The following BAZ1B variants were observed in gnomAD, a reference collection of about 807,000 sequenced individuals.
The protein encoded by BAZ1B is tyrosine-protein kinase BAZ1B.
A neutral mutation model predicts 153.8 loss-of-function variants in BAZ1B; 22 were observed. The observed-to-expected ratio is 0.14, with a 90% CI of 0.10 to 0.20. The LOEUF (loss-of-function observed/expected upper bound fraction) is 0.20. BAZ1B is among the 10% of genes least tolerant of loss of function. BAZ1B has a pLI of 1.00. For synonymous variants in BAZ1B, 676 were observed against 633.4 expected (o/e 1.07, Z -1.01); for missense variants, 1,325 against 1,799.3 (o/e 0.74, Z 4.77).
chr7:73,502,047 T>C (rs1205836505), intron 3 of BAZ1B, among the ~76,000 whole-genome samples: 1 of 151,890 alleles, frequency 6.6e-6, no homozygotes, highest in Admixed American at 6.6e-5. Flanking sequence ...CGCGCCACCA[T>C]GCCTGGCTAA....
At chr7:73,479,983 C>A (rs1789138501) in intron 6 of BAZ1B, among the ~76,000 whole-genome samples, 2 of 152,048 alleles carry the variant, frequency 1.3e-5, no homozygotes, top group Admixed American at 6.6e-5. Context: ...TCCTGGCTAA[C>A]ACGGTGAAAC....
chr7:73,510,190 G>A (rs1563402440), intron 2 of BAZ1B, among the ~76,000 whole-genome samples: 1 of 151,954 alleles, frequency 6.6e-6, no homozygotes, highest in Non-Finnish European at 1.5e-5. Context: ...AGCACTTTGG[G>A]AGGCCAAGGC....
chr7:73,490,427 G>C (rs1192582844), intron 5 of BAZ1B, among the ~76,000 whole-genome samples: 3 of 152,114 alleles, frequency 2.0e-5, no homozygotes, highest in Non-Finnish European at 4.4e-5. Flanking sequence ...TCACTTAGGA[G>C]CTACCTACCA....
intron 6 of BAZ1B, among the ~76,000 whole-genome samples, chr7:73,483,158 T>C (rs1453682268): frequency 6.6e-6 from 1 of 152,066 alleles, no homozygotes; most frequent in African/African-American, 2.4e-5. Context: ...ACATGGAAGG[T>C]TGAAAGAAAA....
intron 6 of BAZ1B, among the ~76,000 whole-genome samples, chr7:73,487,803 C>G (rs184198894): frequency 2.0e-5 from 3 of 152,084 alleles, no homozygotes; most frequent in Admixed American, 2.0e-4. Context: ...AAAATTTAGT[C>G]CTGATCTAGA....
At chr7:73,514,456 C>T (rs1790710082) in intron 1 of BAZ1B, among the ~76,000 whole-genome samples, 1 of 150,546 alleles carries the variant, frequency 6.6e-6, no homozygotes, top group Non-Finnish European at 1.5e-5. Flanking sequence ...CTGCTTGAAC[C>T]TTGGAGACGG....
chr7:73,456,016 A>C (rs541794456), intron 13 of BAZ1B, among the ~76,000 whole-genome samples: 1 of 152,306 alleles, frequency 6.6e-6, no homozygotes, highest in South Asian at 2.1e-4. Flanking sequence ...GGTGGGAGTT[A>C]TATATTTTAC....
At chr7:73,441,861 G>A (rs1423311111) in intron 19 of BAZ1B, 168 bp from the exon 20 acceptor site, 12 of 356,570 alleles carry the variant, frequency 3.4e-5, no homozygotes, top group South Asian at 1.3e-4. Context: ...GAGGGGCTTG[G>A]CACTGTGGTG....
intron 3 of BAZ1B, chr7:73,507,270 T>C (rs1249060377): frequency 1.3e-5 from 2 of 152,096 alleles, no homozygotes; most frequent in South Asian, 2.1e-4. Flanking sequence ...AGCATGGTCA[T>C]TGCATGGGTT....
Position 73,459,809 on chromosome 7 carries a change from A to AATGCCAC in BAZ1B, c.3250-98_3250-92dup, listed in dbSNP as rs778005008. 1,247 of 1,125,400 alleles carry AATGCCAC rather than the reference A, an allele frequency of 1.1e-3. 5 individuals carry two copies. Among genetic ancestry groups the AATGCCAC allele is most frequent in the Non-Finnish European group, 1.4e-3 (1,112 of 797,466 alleles). The allele number at this position is 1,125,400 out of a possible 1,614,324, so 69.7% of individuals were successfully genotyped here. The stretch of plus-strand genomic sequence containing the variant: ...TCAAATTCAAATAAATCTAGACTCA[A>AATGCCAC]ATGCCACATAACATTCATTAAACAA... On this transcript the variant is annotated intron_variant, in intron 12 of 19. Transcript: ENST00000339594.
chr7:73,510,595 G>A (rs1470491119), intron 2 of BAZ1B, 141 bp downstream of exon 2: 2 of 798,556 alleles, frequency 2.5e-6, no homozygotes, highest in Non-Finnish European at 4.1e-6. Context: ...AAGGAACCCA[G>A]AAACCCATAC....
intron 11 of BAZ1B, 30 bp downstream of exon 11, chr7:73,465,409 G>C (rs782250681): frequency 7.1e-7 from 1 of 1,407,198 alleles, no homozygotes; most frequent in Non-Finnish European, 9.8e-7. Context: ...AGAGAAGTAA[G>C]ATGTGAGGAG....
chr7:73,488,319 CT>C (rs1340168671), intron 6 of BAZ1B, among the ~76,000 whole-genome samples: 1 of 152,200 alleles, frequency 6.6e-6, no homozygotes. Context: ...CTTGTCATCA[CT>C]TTCTGTTGGT....
Position 73,522,230 on chromosome 7 carries a change from A to G in BAZ1B, c.-297T>C. The G allele has an allele frequency of 2.6e-6, 1 of 384,338 alleles. No individual in the cohort carries two copies. The highest frequency in any genetic ancestry group is 4.6e-6 in the Non-Finnish European group (1 of 216,854). 23.8% of individuals were successfully genotyped at this position (384,338 alleles called of 1,614,324 possible). ...CACGACTCCTCCTCAGCAGCACCGG[A>G]GGAAATTATTGAAAAATGGCGGGAG... is the stretch of plus-strand genomic sequence containing the variant. On this transcript the variant is annotated 5_prime_UTR_variant, in exon 1 of 20. Transcript: ENST00000339594.
intron 7 of BAZ1B, among the ~76,000 whole-genome samples, chr7:73,470,897 G>A (rs114149474): frequency 3.9e-5 from 6 of 152,090 alleles, no homozygotes; most frequent in South Asian, 2.1e-4. Flanking sequence ...ACCGTGTCCA[G>A]CTAATTTTTA....
chr7:73,467,083 C>A (rs1788618380), intron 9 of BAZ1B, among the ~76,000 whole-genome samples: 1 of 152,250 alleles, frequency 6.6e-6, no homozygotes, highest in South Asian at 2.1e-4. Context: ...CAGGCACACA[C>A]CAACACACCT....
chr7:73,465,685 G>C, intron 10 of BAZ1B, 148 bp from the exon 11 acceptor site: 1 of 496,292 alleles, frequency 2.0e-6, no homozygotes, highest in African/African-American at 2.0e-5. Context: ...AGTAGAATAA[G>C]TAATTTACTA....
At chr7:73,457,876 G>A (rs1321968399) in intron 13 of BAZ1B, among the ~76,000 whole-genome samples, 1 of 152,164 alleles carries the variant, frequency 6.6e-6, no homozygotes, top group Non-Finnish European at 1.5e-5. Context: ...TCAGAAGCTG[G>A]AAGGAAGGAG....
chr7:73,480,732 G>A (rs1037305734), intron 6 of BAZ1B, among the ~76,000 whole-genome samples: 1 of 152,136 alleles, frequency 6.6e-6, no homozygotes, highest in African/African-American at 2.4e-5. Context: ...GCTAGTTTGA[G>A]ATGAGACTAC....
Sources: gnomAD v4.1 joint callset for allele counts (sites outside exome capture counted in the v4.1 genomes callset) on GRCh38, gnomAD v4.1.1 for gene constraint, MANE v1.5 for transcripts, NCBI Gene and HGNC (gene_info 2026-07-23, HGNC 2026-07-21) for gene names.